DPY19L2: variants seen among roughly 807,000 people sequenced by gnomAD.
DPY19L2 encodes dpy-19 like 2.
Under a neutral mutation model 97.9 loss-of-function variants are expected in DPY19L2, and 34 were observed. The ratio of observed to expected loss-of-function variants is 0.35; its 90% CI spans 0.26 to 0.46. The LOEUF is 0.46. DPY19L2 is among the 20% of genes least tolerant of loss of function. The pLI is 1.00. For missense variants in DPY19L2, 623 were observed against 911.4 expected (o/e 0.68, Z 4.07); for synonymous variants, 230 against 307.9 (o/e 0.75, Z 2.65).
At chr12:63,643,677 T>C (rs144733323) in intron 6 of DPY19L2, among the ~76,000 whole-genome samples, 2,432 of 152,298 alleles carry the variant, frequency 0.016, 73 homozygotes, top group African/African-American at 0.056. Context: ...ATATATCTGC[T>C]ATTTTTATGA....
At chr12:63,641,617 A>C (rs1892712719) in intron 6 of DPY19L2, among the ~76,000 whole-genome samples, 1 of 151,984 alleles carries the variant, frequency 6.6e-6, no homozygotes, top group Non-Finnish European at 1.5e-5. Flanking sequence ...GTAAGATTCA[A>C]CCATGTTGTG....
At chr12:63,580,576 T>C in intron 19 of DPY19L2, 86 bp downstream of exon 19, 1 of 1,308,432 alleles carries the variant, frequency 7.6e-7, no homozygotes. Flanking sequence ...CACACATATA[T>C]CAGAAATGAC....
chr12:63,635,213 T>A (rs1891436133), intron 6 of DPY19L2, among the ~76,000 whole-genome samples: 1 of 152,096 alleles, frequency 6.6e-6, no homozygotes, highest in Admixed American at 6.5e-5. Context: ...GACCTGCAGC[T>A]GAGGGTCCTG....
chr12:63,605,344 C>T (rs1289499929), intron 12 of DPY19L2, among the ~76,000 whole-genome samples: 3 of 152,132 alleles, frequency 2.0e-5, no homozygotes, highest in Admixed American at 1.3e-4. Context: ...AGATACCAGA[C>T]CCACATCATA....
intron 6 of DPY19L2, among the ~76,000 whole-genome samples, chr12:63,641,774 T>C (rs1892737019): frequency 6.6e-6 from 1 of 152,174 alleles, no homozygotes; most frequent in Admixed American, 6.5e-5. Context: ...TTATTGTATG[T>C]ACTTCCCAGT....
chr12:63,616,828 A>T (rs1401229831), intron 11 of DPY19L2, among the ~76,000 whole-genome samples: 2 of 152,144 alleles, frequency 1.3e-5, no homozygotes, highest in Non-Finnish European at 2.9e-5. Context: ...CAAGATCTGT[A>T]TTACCCAGCC....
chr12:63,600,935 A>G (rs1260429715), intron 12 of DPY19L2, among the ~76,000 whole-genome samples: 1 of 151,650 alleles, frequency 6.6e-6, no homozygotes, highest in African/African-American at 2.4e-5. Context: ...ACAGGCACCC[A>G]CCACCATGCC....
At chr12:63,582,950 C>T (rs1329835557) in intron 17 of DPY19L2, among the ~76,000 whole-genome samples, 1 of 152,054 alleles carries the variant, frequency 6.6e-6, no homozygotes, top group Non-Finnish European at 1.5e-5. Context: ...GTTACTAATG[C>T]ATCCCTGATC....
intron 6 of DPY19L2, among the ~76,000 whole-genome samples, chr12:63,634,653 A>G (rs1325811851): frequency 6.6e-6 from 1 of 152,152 alleles, no homozygotes; most frequent in Non-Finnish European, 1.5e-5. Context: ...ATGGCTCAGA[A>G]GGTCCCATGC....
intron 12 of DPY19L2, among the ~76,000 whole-genome samples, chr12:63,602,468 T>G (rs1010362488): frequency 2.0e-5 from 3 of 152,040 alleles, no homozygotes; most frequent in African/African-American, 7.2e-5. Context: ...ACCACAGCAA[T>G]GAATCAAAAC....
intron 17 of DPY19L2, among the ~76,000 whole-genome samples, 172 bp from the exon 18 acceptor site, chr12:63,582,697 C>T (rs1881146523): frequency 6.6e-6 from 1 of 152,172 alleles, no homozygotes; most frequent in South Asian, 2.1e-4. Flanking sequence ...TCCAGGTACT[C>T]TTCTGGGTGC....
chr12:63,661,558 T>G lies in DPY19L2; in HGVS notation c.451-77A>C, dbSNP rs1895681558. 2.9e-6 allele frequency: 3 copies of G among 1,018,286 alleles called. No homozygotes were observed. In the African/African-American group the frequency reaches 1.0e-4, roughly 34 times the overall value. The allele number at this position is 1,018,286 out of a possible 1,614,324, so 63.1% of individuals were successfully genotyped here. The stretch of plus-strand genomic sequence containing the variant: ...TTTATTTTTATCACTTCTTTAGAAC[T>G]TTTTTTCTGAAAAAAAAAAAAGGTT... On this transcript the variant is annotated intron_variant, in intron 3 of 21. Transcript: ENST00000324472.
At position 63,637,121 on chromosome 12, in the gene DPY19L2, A is replaced by T. The variant is rs373153601; in HGVS notation, c.803+7282T>A. Among the ~76,000 whole-genome samples the T allele has an allele frequency of 1.4e-4, 22 of 152,338 alleles. 1 individual carries two copies. In the East Asian group the frequency reaches 4.2e-3, roughly 29 times the overall value. Reference sequence around the variant, plus strand: ...TAGGGCAATCAAACTAGAACTCAGGATTAAGAAACTCACTCAAAACCACAC... The same window carrying T: ...TAGGGCAATCAAACTAGAACTCAGGTTTAAGAAACTCACTCAAAACCACAC... On this transcript the variant is annotated intron_variant, in intron 6 of 21. Coordinates refer to ENST00000324472, the MANE Select transcript of DPY19L2 (RefSeq NM_173812.5).
At chr12:63,562,398 C>T (rs915546842) in intron 21 of DPY19L2, among the ~76,000 whole-genome samples, 1 of 150,174 alleles carries the variant, frequency 6.7e-6, no homozygotes, top group Non-Finnish European at 1.5e-5. Context: ...TTTGGATATT[C>T]TAATAGTGTG....
intron 18 of DPY19L2, 39 bp downstream of exon 18, chr12:63,582,367 A>T (rs770284194): frequency 6.3e-7 from 1 of 1,594,114 alleles, no homozygotes; most frequent in South Asian, 1.2e-5. Flanking sequence ...TAGCTGCTAT[A>T]GTTTTTATAG....
chr12:63,632,446 GA>G (rs1433274484), intron 6 of DPY19L2, among the ~76,000 whole-genome samples: 1 of 152,136 alleles, frequency 6.6e-6, no homozygotes, highest in Non-Finnish European at 1.5e-5. Context: ...GCCAAACCAT[GA>G]GGCAACTCCC....
chr12:63,627,128 T>C (rs2137873483), intron 6 of DPY19L2, among the ~76,000 whole-genome samples: 1 of 152,252 alleles, frequency 6.6e-6, no homozygotes, highest in Middle Eastern at 3.4e-3. Flanking sequence ...CTAGATCACA[T>C]CCTTTGAATA....
intron 7 of DPY19L2, among the ~76,000 whole-genome samples, chr12:63,625,168 T>C (rs4044648): frequency 0.71 from 108,136 of 151,934 alleles, 39,387 homozygotes; most frequent in African/African-American, 0.87. Flanking sequence ...GAGGCCAAGG[T>C]GGGTGGATCA....
At chr12:63,570,548 C>T (rs1196795907) in intron 20 of DPY19L2, among the ~76,000 whole-genome samples, 1 of 151,924 alleles carries the variant, frequency 6.6e-6, no homozygotes, top group Non-Finnish European at 1.5e-5. Context: ...TTCAGTTTTT[C>T]AGAGGTCTGC....
Sources: gnomAD v4.1 joint callset for allele counts (sites outside exome capture counted in the v4.1 genomes callset) on GRCh38, gnomAD v4.1.1 for gene constraint, MANE v1.5 for transcripts, NCBI Gene and HGNC (gene_info 2026-07-23, HGNC 2026-07-21) for gene names.